FUT2: variants seen among roughly 807,000 people sequenced by gnomAD.
FUT2 encodes the protein fucosyltransferase 2 (H blood group), also known as galactoside alpha-(1,2)-fucosyltransferase 2.
For synonymous variants in FUT2, 182 were observed against 193.1 expected (o/e 0.94, Z 0.48); for missense variants, 419 against 465.8 (o/e 0.90, Z 0.93).
At chr19:48,698,853 T>G (rs1356308981) in intron 1 of FUT2, among the ~76,000 whole-genome samples, 1 of 151,926 alleles carries the variant, frequency 6.6e-6, no homozygotes, top group Non-Finnish European at 1.5e-5. Flanking sequence ...TAGCATTACA[T>G]GTGTGAGCCA....
At chr19:48,697,378 G>C (rs920583727) in intron 1 of FUT2, among the ~76,000 whole-genome samples, 1 of 140,684 alleles carries the variant, frequency 7.1e-6, no homozygotes. Flanking sequence ...ATCTCAGTAA[G>C]ATAGACCAGG....
At chr19:48,699,813 C>T (rs1399685104) in intron 1 of FUT2, among the ~76,000 whole-genome samples, 1 of 151,898 alleles carries the variant, frequency 6.6e-6, no homozygotes, top group Non-Finnish European at 1.5e-5. Flanking sequence ...CTGTGTTGGA[C>T]TTAGTGAAAG....
At position 48,704,874 on chromosome 19, in the gene FUT2, T is replaced by A; in HGVS notation, c.*886T>A. 1 of 413,222 alleles carries A rather than the reference T, an allele frequency of 2.4e-6. No homozygotes were observed. The highest frequency in any genetic ancestry group is 3.6e-5 in the East Asian group (1 of 28,060). The allele number at this position is 413,222 out of a possible 1,614,324, so 25.6% of individuals were successfully genotyped here. A position where few individuals can be genotyped will look rare whatever the true frequency, so the allele number is the denominator to read the frequency against. On this transcript the variant is annotated 3_prime_UTR_variant, in exon 2 of 2. Transcript: ENST00000425340. The stretch of plus-strand genomic sequence containing the variant: ...AGCTGAGAAGTTGATCAGCCACCTC[T>A]GAAGGACATGCAGCTTGCAGAAAAT...
chr19:48,701,307 T>C (rs1417847711), intron 1 of FUT2, among the ~76,000 whole-genome samples: 1 of 151,816 alleles, frequency 6.6e-6, no homozygotes, highest in African/African-American at 2.4e-5. Flanking sequence ...GCCTCCCGAG[T>C]AGCTGGGATT....
Position 48,704,009 on chromosome 19 carries a change from C to T in FUT2, c.*21C>T, listed in dbSNP as rs762901305. ...ACTAATGCTGGCCCATTCTTTGAGA[C>T]CTTTTCTCCTTCTCTGCCTCCCTCA... is the stretch of plus-strand genomic sequence containing the variant. On this transcript the variant is annotated 3_prime_UTR_variant, in exon 2 of 2. Coordinates refer to ENST00000425340, the MANE Select transcript of FUT2 (RefSeq NM_000511.6). The T allele has an allele frequency of 5.0e-6, 8 of 1,605,612 alleles. No individual in the cohort carries two copies. Among genetic ancestry groups the T allele is most frequent in the East Asian group, 2.2e-5 (1 of 44,872 alleles).
chr19:48,698,996 C>CCCTCCCTTCCTT lies in FUT2; in HGVS notation c.-3+2911_-3+2922dup, dbSNP rs544206791. Among the ~76,000 whole-genome samples the CCCTCCCTTCCTT allele has an allele frequency of 8.1e-4, 119 of 147,288 alleles. 2 individuals carry two copies. Among genetic ancestry groups the CCCTCCCTTCCTT allele is most frequent in the Admixed American group, 8.0e-3 (117 of 14,628 alleles). The stretch of plus-strand genomic sequence containing the variant: ...ATCTCTGTCCCTTCCCTCCCTCCCT[C>CCCTCCCTTCCTT]CCTCCCTTCCTTCCTTCCTTCCTTC... On this transcript the variant is annotated intron_variant, in intron 1 of 1. Coordinates refer to ENST00000425340, the MANE Select transcript of FUT2 (RefSeq NM_000511.6).
chr19:48,704,176 C>T lies in FUT2; in HGVS notation c.*188C>T. On this transcript the variant is annotated 3_prime_UTR_variant, in exon 2 of 2. Transcript: ENST00000425340. ...GTGGCTCATGCCTGTAATGCTCGCACTTTGTGAGGCCAGGGTGGGTGGATC... is the reference window on the plus strand; with the variant it reads ...GTGGCTCATGCCTGTAATGCTCGCATTTTGTGAGGCCAGGGTGGGTGGATC... The T allele has an allele frequency of 1.5e-6, 1 of 687,212 alleles. No individual in the cohort carries two copies. The highest frequency in any genetic ancestry group is 1.7e-5 in the South Asian group (1 of 58,318). 42.6% of individuals were successfully genotyped at this position (687,212 alleles called of 1,614,324 possible). A position where few individuals can be genotyped will look rare whatever the true frequency, so the allele number is the denominator to read the frequency against.
At position 48,703,903 on chromosome 19, in the gene FUT2, T is replaced by C; in HGVS notation, c.947T>C (p.Phe316Ser). 6.2e-7 allele frequency: 1 copy of C among 1,613,628 alleles called. No homozygotes were observed. Among genetic ancestry groups the C allele is most frequent in the South Asian group, 1.1e-5 (1 of 90,630 alleles). ...AATTACACCCTCCCCGACTCCCCTT[T>C]CCTCAAAATCTTTAAGCCAGAGGCA... ...LANYTLPDSP[F>S]LKIFKPEAAF... The change falls in exon 2 of 2, where the codon TTC (phenylalanine) becomes TCC (serine). Residue 316 changes from phenylalanine to serine, a missense_variant. By Grantham distance (155) the Phe-to-Ser change is radical (BLOSUM62 -2). Coordinates refer to ENST00000425340, the MANE Select transcript of FUT2 (RefSeq NM_000511.6).
At position 48,703,935 on chromosome 19, in the gene FUT2, C is replaced by G; in HGVS notation, c.979C>G (p.Leu327Val). 1 of 1,613,566 alleles carries G rather than the reference C, an allele frequency of 6.2e-7. No individual in the cohort carries two copies. Among genetic ancestry groups the G allele is most frequent in the East Asian group, 2.2e-5 (1 of 44,882 alleles). ...LKIFKPEAAF[L>V]PEWTGIAADL... ...AATCTTTAAGCCAGAGGCAGCCTTC[C>G]TGCCGGAGTGGACAGGGATTGCCGC... is the stretch of plus-strand genomic sequence containing the variant. Residue 327 changes from leucine to valine, a missense_variant, in exon 2 of 2, where the codon CTG becomes GTG. By Grantham distance (32) the Leu-to-Val change is conservative. Transcript: ENST00000425340.
rs951765827 is a variant in FUT2 at position 48,704,606 on chromosome 19, T to A, written c.*618T>A. 1 of 416,218 alleles carries A rather than the reference T, an allele frequency of 2.4e-6. No individual in the cohort carries two copies. Among genetic ancestry groups the A allele is most frequent in the Admixed American group, 4.2e-5 (1 of 23,850 alleles). 25.8% of individuals were successfully genotyped at this position (416,218 alleles called of 1,614,324 possible). The stretch of plus-strand genomic sequence containing the variant: ...GCTGTGCTACCATTTCTTAGCTGTA[T>A]CATCCCATGGTCCCAAAAGGGCTGC... On this transcript the variant is annotated 3_prime_UTR_variant, in exon 2 of 2. Coordinates refer to ENST00000425340, the MANE Select transcript of FUT2 (RefSeq NM_000511.6).
chr19:48,704,523 A>T lies in FUT2; in HGVS notation c.*535A>T. 1 of 417,100 alleles carries T rather than the reference A, an allele frequency of 2.4e-6. No individual in the cohort carries two copies. Among genetic ancestry groups the T allele is most frequent in the East Asian group, 3.5e-5 (1 of 28,284 alleles). The allele number at this position is 417,100 out of a possible 1,614,324, so 25.8% of individuals were successfully genotyped here. ...CCAGAAGTGGCCCAGGTCCAGGGTC[A>T]GTTAATTTAGCGGCTCCACAAAGTC... is the stretch of plus-strand genomic sequence containing the variant. On this transcript the variant is annotated 3_prime_UTR_variant, in exon 2 of 2. Transcript: ENST00000425340.
In FUT2 at chr19:48,704,071, T is replaced by A. The variant is rs2032587984; in HGVS notation, c.*83T>A. ...CGGGCATGAGAAGCACATGGTTCCA[T>A]GAGCAGGACCCATCTCTCTTCTGTG... On this transcript the variant is annotated 3_prime_UTR_variant, in exon 2 of 2. Coordinates refer to ENST00000425340, the MANE Select transcript of FUT2 (RefSeq NM_000511.6). 1.6e-6 allele frequency: 2 copies of A among 1,246,414 alleles called. No individual in the cohort carries two copies. Among genetic ancestry groups the A allele is most frequent in the Non-Finnish European group, 2.4e-6 (2 of 850,638 alleles). The allele number at this position is 1,246,414 out of a possible 1,614,324, so 77.2% of individuals were successfully genotyped here. A position where few individuals can be genotyped will look rare whatever the true frequency, so the allele number is the denominator to read the frequency against.
At chr19:48,701,547 G>A (rs1413053069) in intron 1 of FUT2, among the ~76,000 whole-genome samples, 2 of 152,076 alleles carry the variant, frequency 1.3e-5, no homozygotes, top group African/African-American at 4.8e-5. Flanking sequence ...AGTCCACGGT[G>A]GAGCTGGGTG....
chr19:48,699,282 CT>C (rs1254649138), intron 1 of FUT2, among the ~76,000 whole-genome samples: 1 of 152,026 alleles, frequency 6.6e-6, no homozygotes, highest in Non-Finnish European at 1.5e-5. Context: ...ACTGCAATCT[CT>C]GCCTTCCATG....
At chr19:48,699,955 A>C (rs1272528970) in intron 1 of FUT2, among the ~76,000 whole-genome samples, 1 of 151,654 alleles carries the variant, frequency 6.6e-6, no homozygotes, top group Non-Finnish European at 1.5e-5. Context: ...GGAGTTTGAG[A>C]CCAGCCTGGT....
Position 48,705,091 on chromosome 19 carries a change from T to A in FUT2, c.*1103T>A, listed in dbSNP as rs1010457621. 3.0e-5 allele frequency: 10 copies of A among 328,232 alleles called. 1 individual carries two copies. Among genetic ancestry groups the A allele is most frequent in the African/African-American group, 1.7e-4 (7 of 41,872 alleles). The allele number at this position is 328,232 out of a possible 1,614,324, so 20.3% of individuals were successfully genotyped here. A position where few individuals can be genotyped will look rare whatever the true frequency, so the allele number is the denominator to read the frequency against. On this transcript the variant is annotated 3_prime_UTR_variant, in exon 2 of 2. Coordinates refer to ENST00000425340, the MANE Select transcript of FUT2 (RefSeq NM_000511.6). ...TTGTGTCCACCCAGAGAGCTCACTGTTTTCTTTTCTTTTTCTTTTCTTTTT... is the reference window on the plus strand; with the variant it reads ...TTGTGTCCACCCAGAGAGCTCACTGATTTCTTTTCTTTTTCTTTTCTTTTT...
rs1601238151 is a variant in FUT2 at position 48,703,708 on chromosome 19, A to G, written c.752A>G (p.Glu251Gly). 1 of 1,613,630 alleles carries G rather than the reference A, an allele frequency of 6.2e-7. No homozygotes were observed. The highest frequency in any genetic ancestry group is 8.5e-7 in the Non-Finnish European group (1 of 1,180,018). The change falls in exon 2 of 2, where the codon GAG (glutamate) becomes GGG (glycine). Residue 251 changes from glutamate (E) to glycine (G), a missense_variant. Glu to Gly is a moderately conservative substitution (Grantham distance 98, BLOSUM62 -2). Coordinates refer to ENST00000425340, the MANE Select transcript of FUT2 (RefSeq NM_000511.6). ...VTSNGMAWCR[E>G]NIDTSHGDVV... ...AGTAATGGCATGGCCTGGTGTCGGG[A>G]GAACATTGACACCTCCCACGGTGAT...
intron 1 of FUT2, among the ~76,000 whole-genome samples, chr19:48,700,622 C>A (rs867036911): frequency 6.6e-6 from 1 of 152,160 alleles, no homozygotes; most frequent in South Asian, 2.1e-4. Context: ...TGAGCCACCG[C>A]GCCCAGCCAG....
rs112479907 is a variant in FUT2, at chr19:48,704,442, G to A, written c.*454G>A. On this transcript the variant is annotated 3_prime_UTR_variant, in exon 2 of 2. Transcript: ENST00000425340. ...ATCTCAAAAAAAAAAAAAAAAAAAAGAAAAGAAAAAGAAATGAATGGGTTC... is the reference window on the plus strand; with the variant it reads ...ATCTCAAAAAAAAAAAAAAAAAAAAAAAAAGAAAAAGAAATGAATGGGTTC... The A allele has an allele frequency of 0.018, 1,840 of 104,860 alleles. 4 individuals carry two copies. The highest frequency in any genetic ancestry group is 8.8e-3 in the Non-Finnish European group (332 of 37,782). The allele number at this position is 104,860 out of a possible 1,614,324, so 6.5% of individuals were successfully genotyped here. A position where few individuals can be genotyped will look rare whatever the true frequency, so the allele number is the denominator to read the frequency against.
Sources: gnomAD v4.1 joint callset for allele counts (sites outside exome capture counted in the v4.1 genomes callset) on GRCh38, gnomAD v4.1.1 for gene constraint, MANE v1.5 for transcripts, NCBI Gene and HGNC (gene_info 2026-07-23, HGNC 2026-07-21) for gene names.